ADARB2: variants seen among roughly 807,000 people sequenced by gnomAD.
ADARB2 encodes the protein adenosine deaminase RNA specific B2 (inactive).
In ADARB2, 25 loss-of-function variants were observed where a neutral mutation model predicts 62.2. That is an observed-to-expected ratio of 0.40 (90% CI 0.29 to 0.56). ADARB2 has a LOEUF of 0.56. Ranked by LOEUF, ADARB2 falls within the 20% of genes least tolerant of loss-of-function variation. The pLI is 0.43. For missense variants in ADARB2, 1,071 were observed against 1,077.4 expected, an observed-to-expected ratio of 0.99 and a Z score of 0.08; for synonymous variants, 572 against 500.8, an observed-to-expected ratio of 1.14 and a Z score of -1.90.
chr10:1,708,502 C>T (rs1353899875), intron 1 of ADARB2, among the ~76,000 whole-genome samples: 1 of 152,192 alleles, frequency 6.6e-6, no homozygotes, highest in Admixed American at 6.5e-5. Context: ...CAGCCAGGGT[C>T]TGTGCTGGCA....
intron 1 of ADARB2, among the ~76,000 whole-genome samples, chr10:1,403,692 C>T (rs1832684059): frequency 6.6e-6 from 1 of 152,182 alleles, no homozygotes; most frequent in Non-Finnish European, 1.5e-5. Flanking sequence ...CTGTCATTCT[C>T]AGAGCTGCAG....
intron 1 of ADARB2, among the ~76,000 whole-genome samples, chr10:1,485,303 C>A (rs1831526114): frequency 6.6e-6 from 1 of 151,874 alleles, no homozygotes; most frequent in Admixed American, 6.5e-5. Context: ...TGTAGGTATG[C>A]AGGTAGATAT....
Position 1,564,781 on chromosome 10 carries a change from T to A in ADARB2, c.100+172270A>T, listed in dbSNP as rs562425799. ...AAACAACAGGTGATTTTACTTTTAT[T>A]ACCTTTTTTTTTTTTTTAATTTCTG... On this transcript the variant is annotated intron_variant, in intron 1 of 9. Coordinates refer to ENST00000381312, the MANE Select transcript of ADARB2 (RefSeq NM_018702.4). Among the ~76,000 whole-genome samples, 20 of 66,638 alleles carry A rather than the reference T, an allele frequency of 3.0e-4. No individual in the cohort carries two copies. In the South Asian group the frequency reaches 0.019, roughly 62 times the overall value. The allele number at this position is 66,638 out of a possible 152,430, so 43.7% of individuals were successfully genotyped here.
chr10:1,511,759 G>A (rs893536246), intron 1 of ADARB2, among the ~76,000 whole-genome samples: 4 of 151,914 alleles, frequency 2.6e-5, no homozygotes, highest in Non-Finnish European at 5.9e-5. Context: ...CATGGATGCT[G>A]TCTACATTGC....
intron 3 of ADARB2, chr10:1,290,530 C>T (rs1270268017): frequency 6.6e-6 from 1 of 152,272 alleles, no homozygotes; most frequent in Non-Finnish European, 1.5e-5. Flanking sequence ...ATCCCTATCC[C>T]TATGTTTAAA....
chr10:1,527,539 A>T (rs1180748454), intron 1 of ADARB2, among the ~76,000 whole-genome samples: 1 of 152,282 alleles, frequency 6.6e-6, no homozygotes, highest in Non-Finnish European at 1.5e-5. Flanking sequence ...GGCAAGAAGA[A>T]TGCTGTTTCT....
chr10:1,293,421 CCCG>C lies in ADARB2; in HGVS notation c.1078-22355_1078-22353del, dbSNP rs1831495797. Among the ~76,000 whole-genome samples, 5 of 56,514 alleles carry C rather than the reference CCCG, an allele frequency of 8.8e-5. No individual in the cohort carries two copies. The South Asian group carries it at 2.5e-3, about 28-fold the overall frequency. The allele number at this position is 56,514 out of a possible 152,430, so 37.1% of individuals were successfully genotyped here. On this transcript the variant is annotated intron_variant, in intron 3 of 9. Transcript: ENST00000381312. Reference sequence around the variant, plus strand: ...TACTCTTCATGTGGTCTGTTTTAGCCCCGTCCTCCTCTGCCTTTCTTCTTGTGT... The same window carrying C: ...TACTCTTCATGTGGTCTGTTTTAGCCTCCTCCTCTGCCTTTCTTCTTGTGT...
intron 1 of ADARB2, among the ~76,000 whole-genome samples, chr10:1,734,723 T>G (rs1329285558): frequency 2.0e-5 from 3 of 152,212 alleles, no homozygotes; most frequent in African/African-American, 7.2e-5. Context: ...TAGCACCTAA[T>G]AGAGCCACAC....
chr10:1,625,553 G>A (rs1421734689), intron 1 of ADARB2, among the ~76,000 whole-genome samples: 3 of 152,126 alleles, frequency 2.0e-5, no homozygotes, highest in Admixed American at 1.3e-4. Context: ...TGGAATCTAA[G>A]CTCCACAGGT....
At chr10:1,352,991 A>G (rs1447826746) in intron 3 of ADARB2, among the ~76,000 whole-genome samples, 1 of 152,186 alleles carries the variant, frequency 6.6e-6, no homozygotes, top group Non-Finnish European at 1.5e-5. Context: ...AGTACAAGCC[A>G]CCAGCCCTCC....
Position 1,363,166 on chromosome 10 carries a change from G to T in ADARB2, c.939C>A (p.Asp313Glu). The T allele has an allele frequency of 6.5e-7, 1 of 1,538,362 alleles. No individual in the cohort carries two copies. Among genetic ancestry groups the T allele is most frequent in the Non-Finnish European group, 8.7e-7 (1 of 1,151,096 alleles). ...ARSFVMAVSVDGRTFEGSGRS... is the reference protein window; with the variant it reads ...ARSFVMAVSVEGRTFEGSGRS... Reference sequence around the variant, plus strand: ...GCCCCGAGCCCTCGAACGTCCTGCCGTCCACGCTCACGGCCATCACGAAGC... The same window carrying T: ...GCCCCGAGCCCTCGAACGTCCTGCCTTCCACGCTCACGGCCATCACGAAGC... The change falls in exon 3 of 10, where the codon GAC (aspartate) becomes GAA (glutamate). Residue 313 changes from aspartate to glutamate, a missense_variant. Asp to Glu is a conservative substitution (Grantham distance 45). Transcript: ENST00000381312.
intron 3 of ADARB2, among the ~76,000 whole-genome samples, chr10:1,303,621 C>G (rs1250801764): frequency 1.3e-5 from 2 of 151,348 alleles, no homozygotes; most frequent in South Asian, 2.1e-4. Context: ...TTAAGGGCAG[C>G]CAGAGAGAAG....
At chr10:1,332,990 C>T (rs1380614396) in intron 3 of ADARB2, among the ~76,000 whole-genome samples, 1 of 152,180 alleles carries the variant, frequency 6.6e-6, no homozygotes, top group Non-Finnish European at 1.5e-5. Context: ...ATCTGACAAC[C>T]TTCCTCTGTT....
At position 1,379,065 on chromosome 10, in the gene ADARB2, G is replaced by A; in HGVS notation, c.187+9C>T. The A allele has an allele frequency of 6.2e-7, 1 of 1,609,742 alleles. No homozygotes were observed. Among genetic ancestry groups the A allele is most frequent in the Non-Finnish European group, 8.5e-7 (1 of 1,176,120 alleles). ...CCTTTGTGTACTTCGGGGAAGGGAA[G>A]TTGCTTACTGAGGGTGTCGTCATCC... On this transcript the variant is annotated intron_variant, in intron 2 of 9. Transcript: ENST00000381312.
rs1270933893 is a variant in ADARB2, at chr10:1,288,644, G to A, written c.1078-17575C>T. Among the ~76,000 whole-genome samples the A allele has an allele frequency of 6.6e-5, 10 of 152,224 alleles. No homozygotes were observed. The East Asian group carries it at 1.9e-3, about 29-fold the overall frequency. On this transcript the variant is annotated intron_variant, in intron 3 of 9. Coordinates refer to ENST00000381312, the MANE Select transcript of ADARB2 (RefSeq NM_018702.4). ...CACAGCTCCCACCCTCAGATGAGAT[G>A]AGCCTGCAGGTAGGAGGCCTGCCAT...
intron 3 of ADARB2, among the ~76,000 whole-genome samples, chr10:1,351,661 A>T (rs910488198): frequency 6.6e-6 from 1 of 151,948 alleles, no homozygotes; most frequent in African/African-American, 2.4e-5. Context: ...TTAGTGACCG[A>T]TCATGCACCC....
chr10:1,381,931 A>G (rs1588239394), intron 1 of ADARB2, among the ~76,000 whole-genome samples: 1 of 152,136 alleles, frequency 6.6e-6, no homozygotes, highest in East Asian at 1.9e-4. Flanking sequence ...AATGTGCAGC[A>G]TGGGGACTCT....
chr10:1,435,481 C>CTTGAGG (rs1830825420), intron 1 of ADARB2, among the ~76,000 whole-genome samples: 1 of 148,562 alleles, frequency 6.7e-6, no homozygotes, highest in African/African-American at 2.6e-5. Context: ...CCTCCTTCTG[C>CTTGAGG]GCAAGGACCA....
chr10:1,272,317 C>T (rs369756538), intron 3 of ADARB2, among the ~76,000 whole-genome samples: 2 of 152,172 alleles, frequency 1.3e-5, no homozygotes, highest in African/African-American at 4.8e-5. Context: ...GCTGATGCTG[C>T]GCAGGCATTG....
Sources: gnomAD v4.1 joint callset for allele counts (sites outside exome capture counted in the v4.1 genomes callset) on GRCh38, gnomAD v4.1.1 for gene constraint, MANE v1.5 for transcripts, NCBI Gene and HGNC (gene_info 2026-07-23, HGNC 2026-07-21) for gene names.